CDH13: variants seen among roughly 807,000 people sequenced by gnomAD.
CDH13 encodes cadherin 13, also known as cadherin-13.
Under a neutral mutation model 63.8 loss-of-function variants are expected in CDH13, and 24 were observed. The observed-to-expected ratio is 0.38, with a 90% confidence interval of 0.27 to 0.53. CDH13 has a LOEUF of 0.53. Among genes scored for constraint, CDH13 ranks in the 20% least tolerant of loss-of-function variants. The pLI, the probability that CDH13 is intolerant of heterozygous loss-of-function variation, is 0.85. For synonymous variants in CDH13, 503 were observed against 355.3 expected (o/e 1.42, Z -4.67); for missense variants, 1,049 against 903.1 (o/e 1.16, Z -2.07).
intron 1 of CDH13, among the ~76,000 whole-genome samples, chr16:82,756,746 C>G (rs1175571878): frequency 1.3e-5 from 2 of 152,148 alleles, no homozygotes; most frequent in Non-Finnish European, 2.9e-5. Context: ...TGAATATAAG[C>G]AGTACCTGAG....
In CDH13 at chr16:83,014,838, ATT is replaced by A. The variant is rs1491308889; in HGVS notation, c.158-17170_158-17169del. ...TTTGTATATATATATTTGTATATATATTTGTATATATATATTTGTATATATAT... is the reference window on the plus strand; with the variant it reads ...TTTGTATATATATATTTGTATATATATGTATATATATATTTGTATATATAT... On this transcript the variant is annotated intron_variant, in intron 2 of 13. Coordinates refer to ENST00000567109, the MANE Select transcript of CDH13 (RefSeq NM_001257.5). 4.3e-3 allele frequency among the ~76,000 whole-genome samples: 205 copies of A among 47,930 alleles called. 2 individuals are homozygous for A. The East Asian group carries it at 0.045, about 10-fold the overall frequency. The allele number at this position is 47,930 out of a possible 152,430, so 31.4% of individuals were successfully genotyped here.
chr16:83,688,439 G>C (rs576439413), intron 10 of CDH13, among the ~76,000 whole-genome samples: 2 of 152,044 alleles, frequency 1.3e-5, no homozygotes, highest in Admixed American at 6.6e-5. Context: ...TTTAAATTGG[G>C]GTGACTCCCA....
At chr16:83,475,568 A>G (rs1479165996) in intron 6 of CDH13, among the ~76,000 whole-genome samples, 2 of 151,974 alleles carry the variant, frequency 1.3e-5, no homozygotes, top group African/African-American at 2.4e-5. Context: ...AATATAGTCT[A>G]TGTGGTTTTT....
intron 6 of CDH13, among the ~76,000 whole-genome samples, chr16:83,371,610 C>A (rs193004822): frequency 1.6e-4 from 25 of 152,242 alleles, no homozygotes; most frequent in African/African-American, 3.1e-4. Flanking sequence ...TAATTTAAAT[C>A]ATATCATTGC....
At chr16:82,835,675 C>T (rs1339747211) in intron 1 of CDH13, among the ~76,000 whole-genome samples, 3 of 152,160 alleles carry the variant, frequency 2.0e-5, no homozygotes, top group Non-Finnish European at 2.9e-5. Context: ...GCTTGATCAG[C>T]GGCCTCCCTG....
chr16:83,260,143 C>T (rs986534877), intron 5 of CDH13, among the ~76,000 whole-genome samples: 1 of 148,196 alleles, frequency 6.7e-6, no homozygotes, highest in Non-Finnish European at 1.5e-5. Context: ...CACACACACA[C>T]GCTCTCTCAA....
chr16:83,658,798 A>T (rs1913145852), intron 8 of CDH13, among the ~76,000 whole-genome samples: 2 of 133,082 alleles, frequency 1.5e-5, no homozygotes, highest in South Asian at 2.8e-4. Flanking sequence ...TGTCCTCACC[A>T]CCAGGTCCCA....
chr16:82,836,413 G>T (rs2038771028), intron 1 of CDH13, among the ~76,000 whole-genome samples: 1 of 152,180 alleles, frequency 6.6e-6, no homozygotes, highest in Non-Finnish European at 1.5e-5. Flanking sequence ...GCCTCCCAAA[G>T]TGCTAGGATT....
chr16:83,344,822 T>TTAA, intron 5 of CDH13, 40 bp from the exon 6 acceptor site: 2 of 1,606,956 alleles, frequency 1.2e-6, no homozygotes, highest in Non-Finnish European at 1.7e-6. Context: ...TCATAATGAA[T>TTAA]TAATATCTTC....
chr16:82,664,411 T>G (rs1006066857), intron 1 of CDH13, among the ~76,000 whole-genome samples: 1 of 152,222 alleles, frequency 6.6e-6, no homozygotes, highest in Non-Finnish European at 1.5e-5. Context: ...TGGGTGCAGC[T>G]TGGCTACAGC....
intron 5 of CDH13, among the ~76,000 whole-genome samples, chr16:83,251,625 C>T (rs922309924): frequency 4.6e-5 from 7 of 152,218 alleles, no homozygotes; most frequent in Non-Finnish European, 7.3e-5. Flanking sequence ...AGAGAAGGCA[C>T]ATCACCTGTC....
chr16:82,789,678 A>G (rs1443572636), intron 1 of CDH13, among the ~76,000 whole-genome samples: 1 of 152,238 alleles, frequency 6.6e-6, no homozygotes, highest in Non-Finnish European at 1.5e-5. Context: ...GGGAGTGTCA[A>G]GCAATTGCTT....
chr16:83,575,043 A>G (rs939277129), intron 7 of CDH13, among the ~76,000 whole-genome samples: 20 of 152,246 alleles, frequency 1.3e-4, no homozygotes, highest in Non-Finnish European at 4.4e-5. Flanking sequence ...CTGTCCATAC[A>G]ATAGAATATT....
chr16:83,285,398 C>T (rs1334274380), intron 5 of CDH13, among the ~76,000 whole-genome samples: 1 of 151,894 alleles, frequency 6.6e-6, no homozygotes, highest in Non-Finnish European at 1.5e-5. Flanking sequence ...CATGGATTGG[C>T]TGAGCTGACT....
intron 1 of CDH13, among the ~76,000 whole-genome samples, chr16:82,795,052 C>G (rs1277802846): frequency 2.0e-5 from 3 of 152,188 alleles, no homozygotes; most frequent in East Asian, 3.9e-4. Context: ...GCCTCATAGT[C>G]TCATTCATGA....
chr16:83,732,963 G>A (rs1176883981), intron 10 of CDH13, among the ~76,000 whole-genome samples: 1 of 152,210 alleles, frequency 6.6e-6, no homozygotes, highest in Non-Finnish European at 1.5e-5. Context: ...CCTACATGAA[G>A]AGGGAAAGAC....
intron 8 of CDH13, among the ~76,000 whole-genome samples, chr16:83,662,686 T>A (rs1913550492): frequency 6.6e-6 from 1 of 152,048 alleles, no homozygotes; most frequent in Admixed American, 6.6e-5. Flanking sequence ...AAAGAAAAAA[T>A]ACTTGAGAAA....
At chr16:83,520,538 C>G (rs1167060987) in intron 7 of CDH13, among the ~76,000 whole-genome samples, 1 of 152,132 alleles carries the variant, frequency 6.6e-6, no homozygotes, top group Non-Finnish European at 1.5e-5. Context: ...TATGTTTAGG[C>G]AAAAATCCTC....
intron 1 of CDH13, among the ~76,000 whole-genome samples, chr16:82,839,583 C>G (rs1017055855): frequency 1.3e-5 from 2 of 152,200 alleles, no homozygotes; most frequent in Non-Finnish European, 2.9e-5. Context: ...TACCTTCATT[C>G]TGGCCCTCAG....
Sources: allele counts gnomAD v4.1 joint callset (sites outside exome capture counted in the v4.1 genomes callset), GRCh38; gene constraint gnomAD v4.1.1; transcripts MANE v1.5; gene names NCBI Gene and HGNC (gene_info 2026-07-23, HGNC 2026-07-21).